Variants in SLIT3 observed in about 807,000 individuals in gnomAD.
The protein encoded by SLIT3 is slit guidance ligand 3, also known as slit homolog 3 protein.
Under a neutral mutation model 184.0 loss-of-function variants are expected in SLIT3, and 68 were observed. The ratio of observed to expected loss-of-function variants is 0.37; its 90% CI spans 0.30 to 0.45. The LOEUF is 0.45. SLIT3 is among the 20% of genes least tolerant of loss of function. The pLI, the probability that SLIT3 is intolerant of heterozygous loss-of-function variation, is 1.00. For synonymous variants in SLIT3, 831 were observed against 828.6 expected (o/e 1.00, Z -0.05); for missense variants, 1,707 against 2,026.0 (o/e 0.84, Z 3.02).
chr5:168,787,908 C>T (rs973306840), intron 11 of SLIT3, among the ~76,000 whole-genome samples: 1 of 152,182 alleles, frequency 6.6e-6, no homozygotes, highest in Non-Finnish European at 1.5e-5. Context: ...GTACAGTTCA[C>T]TGCCACACTC....
At chr5:168,768,705 C>T (rs1252638570) in intron 14 of SLIT3, among the ~76,000 whole-genome samples, 6 of 152,224 alleles carry the variant, frequency 3.9e-5, no homozygotes, top group Non-Finnish European at 7.3e-5. Flanking sequence ...CCTCTAGCCC[C>T]TTAAGTCAAG....
rs906767780 is a variant in SLIT3 at position 168,897,643 on chromosome 5, C to T, written c.414-14307G>A. ...AAGAGAAAGAGGATGGAGACAGGTG[C>T]ACGTACACACACACACACACACACA... On this transcript the variant is annotated intron_variant, in intron 4 of 35. Coordinates refer to ENST00000519560, the MANE Select transcript of SLIT3 (RefSeq NM_003062.4). 1.8e-4 allele frequency among the ~76,000 whole-genome samples: 10 copies of T among 56,878 alleles called. No homozygotes were observed. The South Asian group carries it at 2.4e-3, about 13-fold the overall frequency. 37.3% of individuals were successfully genotyped at this position (56,878 alleles called of 152,430 possible).
At position 168,928,016 on chromosome 5, in the gene SLIT3, G is replaced by A. The variant is rs866654508; in HGVS notation, c.414-44680C>T. On this transcript the variant is annotated intron_variant, in intron 4 of 35. Coordinates refer to ENST00000519560, the MANE Select transcript of SLIT3 (RefSeq NM_003062.4). ...ACATCACCTATCCCACTGCATTCCC[G>A]TTAGCGTGGATGTAGCTATTCCTCA... 9.2e-5 allele frequency among the ~76,000 whole-genome samples: 14 copies of A among 152,268 alleles called. No homozygotes were observed. In the Middle Eastern group the frequency reaches 0.017, roughly 185 times the overall value.
At chr5:168,721,750 C>T (rs775072895) in intron 23 of SLIT3, among the ~76,000 whole-genome samples, 10 of 152,146 alleles carry the variant, frequency 6.6e-5, no homozygotes, top group Non-Finnish European at 1.2e-4. Flanking sequence ...TGAGCCAACC[C>T]CACAATTGCT....
At chr5:169,035,500 T>G (rs1757206037) in intron 4 of SLIT3, among the ~76,000 whole-genome samples, 1 of 151,676 alleles carries the variant, frequency 6.6e-6, no homozygotes, top group African/African-American at 2.4e-5. Flanking sequence ...ACACAAAAAA[T>G]TAGCCAGGCG....
intron 4 of SLIT3, among the ~76,000 whole-genome samples, chr5:168,898,600 A>G (rs1304699332): frequency 1.3e-5 from 2 of 151,580 alleles, no homozygotes; most frequent in African/African-American, 2.4e-5. Context: ...CAAAATGTCA[A>G]ATAAATCGTG....
chr5:169,187,742 C>T (rs577031573), intron 4 of SLIT3, among the ~76,000 whole-genome samples: 35 of 151,802 alleles, frequency 2.3e-4, no homozygotes, highest in African/African-American at 8.5e-4. Context: ...TTAGTAGAGA[C>T]GGGGTTTCAC....
At chr5:168,825,340 T>C (rs1381323692) in intron 6 of SLIT3, among the ~76,000 whole-genome samples, 2 of 152,116 alleles carry the variant, frequency 1.3e-5, no homozygotes, top group Non-Finnish European at 2.9e-5. Context: ...GTGAGCCCAG[T>C]CCAAAGCAGG....
At chr5:169,080,020 G>C (rs917533390) in intron 4 of SLIT3, among the ~76,000 whole-genome samples, 7 of 151,938 alleles carry the variant, frequency 4.6e-5, no homozygotes, top group Non-Finnish European at 7.4e-5. Context: ...TATTTAAGGG[G>C]GGCTACTGCA....
intron 5 of SLIT3, among the ~76,000 whole-genome samples, chr5:168,854,168 T>C (rs1234780265): frequency 1.3e-5 from 2 of 152,136 alleles, no homozygotes; most frequent in African/African-American, 4.8e-5. Flanking sequence ...CTATTCCACC[T>C]TTCTCTGACT....
At chr5:168,887,443 ATCAT>A (rs1298191273) in intron 4 of SLIT3, among the ~76,000 whole-genome samples, 5 of 152,294 alleles carry the variant, frequency 3.3e-5, no homozygotes, top group African/African-American at 1.2e-4. Context: ...GAGCTGTATG[ATCAT>A]TCAAGTTACT....
intron 29 of SLIT3, among the ~76,000 whole-genome samples, chr5:168,690,283 T>C (rs1466912305): frequency 6.6e-6 from 1 of 151,876 alleles, no homozygotes; most frequent in African/African-American, 2.4e-5. Flanking sequence ...ATTGCAGGAG[T>C]GTGCCCACAC....
At position 168,752,955 on chromosome 5, in the gene SLIT3, A is replaced by G. The variant is rs963330745; in HGVS notation, c.1973T>C (p.Ile658Thr). Residue 658 changes from isoleucine (I) to threonine (T), a missense_variant and splice_region_variant, in exon 18 of 36, where the codon ATA (isoleucine) becomes ACA (threonine). By Grantham distance (89) the Ile-to-Thr change is moderately conservative (BLOSUM62 -1). Transcript: ENST00000519560. ...AFTTLVSLST[I>T]NLLSNPFNCN... The stretch of plus-strand genomic sequence containing the variant: ...GGGCAGTGGACCCAGGAGAACTTAC[A>G]TGGTGGACAGGGAGACAAGCGTGGT... 1.9e-6 allele frequency: 3 copies of G among 1,613,960 alleles called. No individual in the cohort carries two copies. Among genetic ancestry groups the G allele is most frequent in the Non-Finnish European group, 2.5e-6 (3 of 1,179,972 alleles).
At chr5:169,294,693 C>T (rs1036685193) in intron 1 of SLIT3, among the ~76,000 whole-genome samples, 2 of 152,296 alleles carry the variant, frequency 1.3e-5, no homozygotes, top group South Asian at 2.1e-4. Context: ...GATGGGGATA[C>T]GTTCTAAGAA....
chr5:169,147,393 T>C (rs1761960617), intron 4 of SLIT3, among the ~76,000 whole-genome samples: 1 of 152,188 alleles, frequency 6.6e-6, no homozygotes, highest in Admixed American at 6.5e-5. Flanking sequence ...CTCAGCCTCC[T>C]GAGCAGCTGT....
intron 4 of SLIT3, among the ~76,000 whole-genome samples, chr5:169,157,116 G>A (rs1762336679): frequency 6.6e-6 from 1 of 152,184 alleles, no homozygotes; most frequent in South Asian, 2.1e-4. Context: ...TAGTATCAGA[G>A]AAGGCCAAGT....
intron 4 of SLIT3, among the ~76,000 whole-genome samples, chr5:168,998,199 A>T (rs573865839): frequency 6.6e-6 from 1 of 152,218 alleles, no homozygotes. Flanking sequence ...ATACTTTGTC[A>T]TGGCTTAAAA....
chr5:168,712,163 A>G, intron 24 of SLIT3, 120 bp downstream of exon 24: 5 of 824,672 alleles, frequency 6.1e-6, no homozygotes, highest in South Asian at 4.4e-5. Context: ...ATAGTTGTAT[A>G]ATATACTGTA....
chr5:169,118,587 T>C (rs1468235725), intron 4 of SLIT3, among the ~76,000 whole-genome samples: 1 of 152,218 alleles, frequency 6.6e-6, no homozygotes. Context: ...GGCAAGGCAG[T>C]CTGTTCTGGT....
Sources: allele counts gnomAD v4.1 joint callset (sites outside exome capture counted in the v4.1 genomes callset), GRCh38; gene constraint gnomAD v4.1.1; transcripts MANE v1.5; gene names NCBI Gene and HGNC (gene_info 2026-07-23, HGNC 2026-07-21).